The following DENND1B variants were observed in gnomAD, a reference collection of about 807,000 sequenced individuals.
DENND1B encodes DENN domain containing 1B, also known as DENN domain-containing protein 1B.
A neutral mutation model predicts 90.1 loss-of-function variants in DENND1B; 59 were observed. The observed-to-expected ratio is 0.65, with a 90% CI of 0.53 to 0.81. DENND1B has a LOEUF of 0.81. Ranked by LOEUF, DENND1B falls within the 40% of genes least tolerant of loss-of-function variation. The pLI is 0.00. For synonymous variants in DENND1B, 337 were observed against 324.6 expected (o/e 1.04, Z -0.41); for missense variants, 862 against 912.6 (o/e 0.94, Z 0.71).
intron 2 of DENND1B, among the ~76,000 whole-genome samples, chr1:197,718,215 T>C (rs545871742): frequency 1.3e-5 from 2 of 152,072 alleles, no homozygotes; most frequent in East Asian, 3.9e-4. Flanking sequence ...TTTATTTCAT[T>C]CAAAAATCTA....
At chr1:197,549,252 A>AT (rs1671042141) in intron 16 of DENND1B, among the ~76,000 whole-genome samples, 1 of 152,116 alleles carries the variant, frequency 6.6e-6, no homozygotes, top group South Asian at 2.1e-4. Flanking sequence ...AATTCCAGTA[A>AT]TTTGTACTCA....
At chr1:197,748,864 G>C (rs1429082079) in intron 2 of DENND1B, among the ~76,000 whole-genome samples, 1 of 152,066 alleles carries the variant, frequency 6.6e-6, no homozygotes, top group Non-Finnish European at 1.5e-5. Context: ...ATTAAAACAA[G>C]CTATTAAAAC....
Position 197,772,932 on chromosome 1 carries a change from C to T in DENND1B, c.18G>A (p.Lys6=). 2 of 1,550,760 alleles carry T rather than the reference C, an allele frequency of 1.3e-6. No individual in the cohort carries two copies. The highest frequency in any genetic ancestry group is 2.4e-5 in the East Asian group (1 of 41,054). Reference sequence around the variant, plus strand: ...AGTCAAAGGTTCTGTCTGGATTTGCCCTAAAAGGAAAAAGTTTAAATTAAT... The same window carrying T: ...AGTCAAAGGTTCTGTCTGGATTTGCTCTAAAAGGAAAAAGTTTAAATTAAT... MDCRT[K]ANPDRTFDLV... Residue 6 remains lysine, a splice_region_variant and synonymous_variant, in exon 2 of 23, where the codon AAG becomes AAA. Transcript: ENST00000620048.
At chr1:197,545,028 G>GAGAAGGAGAAGGAGA (rs1192143504) in intron 18 of DENND1B, among the ~76,000 whole-genome samples, 1 of 109,154 alleles carries the variant, frequency 9.2e-6, no homozygotes, top group Non-Finnish European at 1.9e-5. Context: ...ACGAAAGAAG[G>GAGAAGGAGAAGGAGA]AGGAGAAGGA....
At chr1:197,736,185 A>G (rs1191710970) in intron 2 of DENND1B, 2 of 482,582 alleles carry the variant, frequency 4.1e-6, no homozygotes, top group East Asian at 7.5e-5. Flanking sequence ...ATACTGCAAA[A>G]CAACCCACTC....
chr1:197,641,315 G>A (rs1680251650), intron 10 of DENND1B, among the ~76,000 whole-genome samples: 1 of 151,912 alleles, frequency 6.6e-6, no homozygotes, highest in Non-Finnish European at 1.5e-5. Context: ...GAGGAGCTGG[G>A]GAGAAAGAAG....
Position 197,510,931 on chromosome 1 carries a change from G to T in DENND1B, c.1857C>A (p.Leu619=). The T allele has an allele frequency of 6.4e-7, 1 of 1,560,584 alleles. No homozygotes were observed. ...NAPSENNLAF[L]CGGSGDQAEW... Reference sequence around the variant, plus strand: ...CTGCTTGGTCACCAGAACCACCACAGAGGAAAGCCAGGTTATTCTCACTAG... The same window carrying T: ...CTGCTTGGTCACCAGAACCACCACATAGGAAAGCCAGGTTATTCTCACTAG... Residue 619 remains leucine (L), a synonymous_variant, in exon 23 of 23, where the codon CTC becomes CTA. Coordinates refer to ENST00000620048, the MANE Select transcript of DENND1B (RefSeq NM_001195215.2).
At position 197,539,971 on chromosome 1, in the gene DENND1B, AGCTTAC is replaced by A. The variant is rs753124181; in HGVS notation, c.1502_1507del (p.Arg501_Lys502del). The stretch of plus-strand genomic sequence containing the variant: ...GTAAATAACCTTACTTACCTGAGCA[AGCTTAC>A]GCTTTTCTGAGTTTCCTCCCTTTTC... On this transcript the variant is annotated inframe_deletion, in exon 20 of 23. Coordinates refer to ENST00000620048, the MANE Select transcript of DENND1B (RefSeq NM_001195215.2). 1 of 1,612,012 alleles carries A rather than the reference AGCTTAC, an allele frequency of 6.2e-7. No individual in the cohort carries two copies. Among genetic ancestry groups the A allele is most frequent in the South Asian group, 1.1e-5 (1 of 90,980 alleles).
chr1:197,688,814 T>C (rs1657536842), intron 3 of DENND1B: 1 of 182,762 alleles, frequency 5.5e-6, no homozygotes. Flanking sequence ...TGTAGATTCA[T>C]TCAAGTCCAT....
chr1:197,674,172 A>G lies in DENND1B; in HGVS notation c.127-3T>C, dbSNP rs1483533218. On this transcript the variant is annotated splice_region_variant and splice_polypyrimidine_tract_variant and intron_variant, in intron 3 of 22. Coordinates refer to ENST00000620048, the MANE Select transcript of DENND1B (RefSeq NM_001195215.2). Reference sequence around the variant, plus strand: ...TTTGGCACACTCTGTAGTATTTCCTACAAATGGAAATTTCAAAAAAAAGAA... The same window carrying G: ...TTTGGCACACTCTGTAGTATTTCCTGCAAATGGAAATTTCAAAAAAAAGAA... 1 of 1,590,318 alleles carries G rather than the reference A, an allele frequency of 6.3e-7. No individual in the cohort carries two copies. Among genetic ancestry groups the G allele is most frequent in the South Asian group, 1.1e-5 (1 of 87,358 alleles).
At chr1:197,528,048 T>C (rs1669272715) in intron 20 of DENND1B, among the ~76,000 whole-genome samples, 2 of 152,198 alleles carry the variant, frequency 1.3e-5, no homozygotes, top group South Asian at 2.1e-4. Flanking sequence ...TGAATGAAAG[T>C]GTTTCATAAA....
chr1:197,750,690 T>C (rs1293870545), intron 2 of DENND1B, among the ~76,000 whole-genome samples: 2 of 152,126 alleles, frequency 1.3e-5, no homozygotes, highest in Non-Finnish European at 2.9e-5. Flanking sequence ...ACACTAATTA[T>C]GAGGAAGGCA....
intron 2 of DENND1B, among the ~76,000 whole-genome samples, chr1:197,769,955 A>G (rs961485482): frequency 2.0e-5 from 3 of 152,114 alleles, no homozygotes; most frequent in African/African-American, 7.2e-5. Context: ...CAATTTGGCA[A>G]AAAAATTTAC....
At chr1:197,513,815 C>T (rs1246553161) in intron 20 of DENND1B, among the ~76,000 whole-genome samples, 1 of 151,418 alleles carries the variant, frequency 6.6e-6, no homozygotes, top group Non-Finnish European at 1.5e-5. Context: ...TCAGGGGACT[C>T]AGTTCAACCT....
chr1:197,585,831 T>G (rs886892201), intron 14 of DENND1B, among the ~76,000 whole-genome samples: 2 of 152,230 alleles, frequency 1.3e-5, no homozygotes, highest in African/African-American at 4.8e-5. Context: ...ACTGTCATCC[T>G]TAAGGCATAT....
At chr1:197,743,897 T>C (rs905577288) in intron 2 of DENND1B, among the ~76,000 whole-genome samples, 1 of 152,208 alleles carries the variant, frequency 6.6e-6, no homozygotes, top group Non-Finnish European at 1.5e-5. Flanking sequence ...AAACCCTTGG[T>C]TGTCATCTCA....
Position 197,554,077 on chromosome 1 carries a change from C to A in DENND1B, c.1150-965G>T, listed in dbSNP as rs1671484156. Among the ~76,000 whole-genome samples the A allele has an allele frequency of 2.0e-5, 3 of 147,626 alleles. No individual in the cohort carries two copies. The South Asian group carries it at 6.5e-4, about 32-fold the overall frequency. ...ATCCTGGGTATTTTTATATGACCAA[C>A]CCAAGGTGAAAATCAATGATTATAC... is the stretch of plus-strand genomic sequence containing the variant. On this transcript the variant is annotated intron_variant, in intron 15 of 22. Coordinates refer to ENST00000620048, the MANE Select transcript of DENND1B (RefSeq NM_001195215.2).
intron 1 of DENND1B, 63 bp downstream of exon 1, chr1:197,775,076 G>C: frequency 5.3e-6 from 6 of 1,137,170 alleles, no homozygotes; most frequent in Non-Finnish European, 6.7e-6. Context: ...GAGGAGCCGA[G>C]CTGGCCTGGG....
At chr1:197,548,895 G>T (rs1041511654) in intron 16 of DENND1B, among the ~76,000 whole-genome samples, 1 of 152,020 alleles carries the variant, frequency 6.6e-6, no homozygotes, top group African/African-American at 2.4e-5. Context: ...TGAAAACATG[G>T]TACAATTTAG....
Sources: allele counts gnomAD v4.1 joint callset (sites outside exome capture counted in the v4.1 genomes callset), GRCh38; gene constraint gnomAD v4.1.1; transcripts MANE v1.5; gene names NCBI Gene and HGNC (gene_info 2026-07-23, HGNC 2026-07-21).